SCFD2: variants seen among roughly 807,000 people sequenced by gnomAD.
SCFD2 encodes the protein sec1 family domain containing 2, also known as sec1 family domain-containing protein 2.
SCFD2 carries 54 observed loss-of-function variants against 58.9 expected under a neutral mutation model. The ratio of observed to expected loss-of-function variants is 0.92; its 90% CI spans 0.74 to 1.15. The LOEUF is 1.15. Among genes scored for constraint, SCFD2 ranks in the 50% most tolerant of loss-of-function variants. The pLI, the probability that SCFD2 is intolerant of heterozygous loss-of-function variation, is 0.00. For synonymous variants in SCFD2, 321 were observed against 335.9 expected (o/e 0.96, Z 0.49); for missense variants, 805 against 836.6 (o/e 0.96, Z 0.47).
intron 2 of SCFD2, among the ~76,000 whole-genome samples, chr4:53,314,039 T>C (rs1470471953): frequency 6.6e-6 from 1 of 152,188 alleles, no homozygotes; most frequent in Non-Finnish European, 1.5e-5. Flanking sequence ...ATAAATTTTT[T>C]CAAAGATTTT....
intron 4 of SCFD2, among the ~76,000 whole-genome samples, chr4:53,263,667 G>A (rs1328819431): frequency 6.6e-6 from 1 of 152,230 alleles, no homozygotes; most frequent in African/African-American, 2.4e-5. Context: ...GGAGTGAAGT[G>A]GACTCTGTGA....
chr4:53,365,672 C>T lies in SCFD2; in HGVS notation c.270G>A (p.Arg90=), dbSNP rs1474315649. ...LLKGRTVEIL[R]DIICRSHFQY... ...GGAAGTGACTGCGGCAGATGATGTC[C>T]CGTAGGATCTCCACGGTCCGGCCTT... The change falls in exon 1 of 9, where the codon CGG becomes CGA. Residue 90 remains arginine, a synonymous_variant. Coordinates refer to ENST00000401642, the MANE Select transcript of SCFD2 (RefSeq NM_152540.4). The surrounding 1 kb of genome is among the most constrained non-coding windows in gnomAD (Gnocchi z 4.3). The T allele has an allele frequency of 2.5e-6, 4 of 1,614,062 alleles. No homozygotes were observed. Among genetic ancestry groups the T allele is most frequent in the Non-Finnish European group, 8.5e-7 (1 of 1,180,030 alleles).
At chr4:53,240,037 T>C (rs1278427547) in intron 4 of SCFD2, among the ~76,000 whole-genome samples, 2 of 152,206 alleles carry the variant, frequency 1.3e-5, no homozygotes, top group African/African-American at 4.8e-5. Flanking sequence ...AAGATCACCC[T>C]CCTTAACTTA....
chr4:52,883,082 C>T (rs1315226107), intron 8 of SCFD2, among the ~76,000 whole-genome samples: 1 of 152,180 alleles, frequency 6.6e-6, no homozygotes, highest in East Asian at 1.9e-4. Context: ...TCAATTAGGT[C>T]ACATGTGTTC....
chr4:53,338,575 C>CTTTTTATTTTTTTTTTTTTTTTT (rs1733752722), intron 2 of SCFD2, among the ~76,000 whole-genome samples: 1 of 72,296 alleles, frequency 1.4e-5, no homozygotes, highest in African/African-American at 5.1e-5. Flanking sequence ...GTATATTTTT[C>CTTTTTATTTTTTTTTTTTTTTTT]TTTTTTTTTT....
At chr4:52,972,113 A>C (rs1173148097) in intron 5 of SCFD2, among the ~76,000 whole-genome samples, 2 of 152,188 alleles carry the variant, frequency 1.3e-5, no homozygotes, top group African/African-American at 4.8e-5. Context: ...ATCAATTAAC[A>C]AGCAAAATAA....
intron 5 of SCFD2, among the ~76,000 whole-genome samples, chr4:52,944,780 T>C (rs1026605682): frequency 6.6e-6 from 1 of 152,212 alleles, no homozygotes; most frequent in Non-Finnish European, 1.5e-5. Flanking sequence ...AGGAGAGCTA[T>C]AGGTAGGTGA....
chr4:53,348,719 T>A (rs1734130853), intron 2 of SCFD2, among the ~76,000 whole-genome samples: 1 of 144,642 alleles, frequency 6.9e-6, no homozygotes, highest in Middle Eastern at 3.5e-3. Flanking sequence ...ATGACCATAT[T>A]TTTTTTTTTT....
intron 4 of SCFD2, among the ~76,000 whole-genome samples, chr4:53,188,340 C>T (rs569817984): frequency 3.3e-5 from 5 of 151,982 alleles, no homozygotes; most frequent in African/African-American, 1.2e-4. Flanking sequence ...AGTTCAAATG[C>T]TTGGTTACAG....
At chr4:53,010,951 G>A (rs1315694513) in intron 5 of SCFD2, among the ~76,000 whole-genome samples, 2 of 151,984 alleles carry the variant, frequency 1.3e-5, no homozygotes, top group African/African-American at 4.8e-5. Flanking sequence ...AAAGACCAAC[G>A]GCAAACTCTT....
chr4:52,940,563 T>C (rs778672097), intron 5 of SCFD2, among the ~76,000 whole-genome samples: 23 of 152,192 alleles, frequency 1.5e-4, no homozygotes, highest in Non-Finnish European at 1.2e-4. Flanking sequence ...GGGAGGACTC[T>C]TGTAATCTGG....
At chr4:53,176,134 A>C (rs537903047) in intron 4 of SCFD2, among the ~76,000 whole-genome samples, 6 of 152,354 alleles carry the variant, frequency 3.9e-5, no homozygotes, top group Admixed American at 3.3e-4. Context: ...TACCATGATA[A>C]AAATGTGTCA....
intron 4 of SCFD2, among the ~76,000 whole-genome samples, chr4:53,160,648 T>C (rs1309645642): frequency 1.3e-5 from 2 of 151,962 alleles, no homozygotes; most frequent in Non-Finnish European, 2.9e-5. Context: ...AAAAAGAGAA[T>C]AGAATTAATT....
chr4:53,099,338 AACTTGT>A (rs1724762452), intron 5 of SCFD2, among the ~76,000 whole-genome samples: 1 of 152,234 alleles, frequency 6.6e-6, no homozygotes, highest in African/African-American at 2.4e-5. Context: ...CATTCCTTTT[AACTTGT>A]AACCATCAAA....
chr4:52,971,021 C>A (rs1036765491), intron 5 of SCFD2, among the ~76,000 whole-genome samples: 2 of 152,202 alleles, frequency 1.3e-5, no homozygotes, highest in Admixed American at 6.5e-5. Flanking sequence ...ATCTGTACGT[C>A]ACCATCATCA....
At chr4:53,237,536 C>T (rs1729677087) in intron 4 of SCFD2, among the ~76,000 whole-genome samples, 1 of 78,326 alleles carries the variant, frequency 1.3e-5, no homozygotes. Context: ...CCACCTCTCT[C>T]CCAGATGGGG....
intron 4 of SCFD2, among the ~76,000 whole-genome samples, chr4:53,210,707 G>A (rs977307685): frequency 6.6e-6 from 1 of 151,976 alleles, no homozygotes; most frequent in Non-Finnish European, 1.5e-5. Flanking sequence ...TATTATGACA[G>A]ATATTGATTT....
chr4:53,007,072 G>T (rs1480224884), intron 5 of SCFD2, among the ~76,000 whole-genome samples: 1 of 151,916 alleles, frequency 6.6e-6, no homozygotes, highest in Non-Finnish European at 1.5e-5. Flanking sequence ...CCTGAGGTCT[G>T]GAGTTTGAGA....
chr4:52,877,715 A>G (rs1339558935), intron 8 of SCFD2, among the ~76,000 whole-genome samples: 1 of 152,162 alleles, frequency 6.6e-6, no homozygotes, highest in Non-Finnish European at 1.5e-5. Flanking sequence ...CCTTCCACCC[A>G]GCTCACAGTA....
Sources: allele counts gnomAD v4.1 joint callset (sites outside exome capture counted in the v4.1 genomes callset), GRCh38; gene constraint gnomAD v4.1.1; non-coding constraint Gnocchi (gnomAD v3.1); transcripts MANE v1.5; gene names NCBI Gene and HGNC (gene_info 2026-07-23, HGNC 2026-07-21).